The following ALMS1 variants were observed in gnomAD, a reference collection of about 807,000 sequenced individuals.
The protein encoded by ALMS1 is centrosome-associated protein ALMS1.
A neutral mutation model predicts 352.2 loss-of-function variants in ALMS1; 271 were observed. The ratio of observed to expected loss-of-function variants is 0.77; its 90% CI spans 0.70 to 0.85. ALMS1 has a LOEUF of 0.85. Among genes scored for constraint, ALMS1 ranks in the 40% least tolerant of loss-of-function variants. The pLI, the probability that ALMS1 is intolerant of heterozygous loss-of-function variation, is 0.00. For synonymous variants in ALMS1, 1,865 were observed against 1,761.2 expected (o/e 1.06, Z -1.48); for missense variants, 5,445 against 4,870.7 (o/e 1.12, Z -3.51).
chr2:73,440,082 G>A (rs1173104370), intron 7 of ALMS1, among the ~76,000 whole-genome samples: 2 of 152,046 alleles, frequency 1.3e-5, no homozygotes, highest in Non-Finnish European at 2.9e-5. Flanking sequence ...CCGGGTTCAC[G>A]CCATTCTCCT....
chr2:73,476,466 A>G (rs1672584751), intron 9 of ALMS1, among the ~76,000 whole-genome samples: 2 of 152,080 alleles, frequency 1.3e-5, no homozygotes, highest in Admixed American at 6.6e-5. Flanking sequence ...GTTTTTGAGG[A>G]AGCTCCGTAC....
intron 10 of ALMS1, among the ~76,000 whole-genome samples, chr2:73,509,586 C>T: frequency 6.6e-6 from 1 of 152,058 alleles, no homozygotes; most frequent in East Asian, 1.9e-4. Flanking sequence ...GAATGTTGGC[C>T]CCCACTCTCT....
intron 2 of ALMS1, among the ~76,000 whole-genome samples, chr2:73,417,431 C>A (rs1671200269): frequency 1.3e-5 from 2 of 152,090 alleles, no homozygotes; most frequent in South Asian, 4.1e-4. Context: ...CGTTATGAAA[C>A]AAGAAAATGA....
intron 20 of ALMS1, 90 bp downstream of exon 20, chr2:73,602,458 G>T (rs1675720537): frequency 1.5e-5 from 23 of 1,505,306 alleles, no homozygotes; most frequent in Non-Finnish European, 2.1e-5. Context: ...GGCCAGCCCA[G>T]GCCAGTTACC....
Position 73,454,033 on chromosome 2 carries a change from T to C in ALMS1, c.7506T>C (p.Asn2502=), listed in dbSNP as rs1168783297. Residue 2502 remains asparagine, a synonymous_variant, in exon 8 of 23, where the codon AAT becomes AAC. Coordinates refer to ENST00000613296, the MANE Select transcript of ALMS1 (RefSeq NM_001378454.1). Reference sequence around the variant, plus strand: ...ATCATGCTAAAGAAATACTCAGAAATGCAGAGGAAGAGGAAAGCCGGGTAC... The same window carrying C: ...ATCATGCTAAAGAAATACTCAGAAACGCAGAGGAAGAGGAAAGCCGGGTAC... ...SLNHAKEILR[N]AEEEESRVRA... The C allele has an allele frequency of 6.2e-7, 1 of 1,612,706 alleles. No homozygotes were observed. Among genetic ancestry groups the C allele is most frequent in the Non-Finnish European group, 8.5e-7 (1 of 1,179,500 alleles).
intron 16 of ALMS1, among the ~76,000 whole-genome samples, chr2:73,583,747 C>A (rs552756653): frequency 6.6e-5 from 10 of 152,116 alleles, no homozygotes; most frequent in African/African-American, 2.2e-4. Context: ...ATCCTTTTCC[C>A]ACTGAGTGGT....
chr2:73,595,391 T>C (rs1318141569), intron 16 of ALMS1, among the ~76,000 whole-genome samples: 2 of 152,244 alleles, frequency 1.3e-5, no homozygotes, highest in South Asian at 2.1e-4. Context: ...TTTATGTATA[T>C]AGCATCAGAT....
intron 9 of ALMS1, among the ~76,000 whole-genome samples, chr2:73,482,321 A>C (rs1382147675): frequency 6.6e-6 from 1 of 152,212 alleles, no homozygotes; most frequent in African/African-American, 2.4e-5. Context: ...CTTTTTCTGC[A>C]TCTATTGAGA....
At chr2:73,603,369 C>G in intron 21 of ALMS1, 65 bp downstream of exon 21, 1 of 1,423,868 alleles carries the variant, frequency 7.0e-7, no homozygotes, top group South Asian at 1.2e-5. Flanking sequence ...GTCGGGAGCT[C>G]TGGCTTGCAC....
At position 73,451,226 on chromosome 2, in the gene ALMS1, A is replaced by G. The variant is rs766996126; in HGVS notation, c.4699A>G (p.Thr1567Ala). 2 of 1,609,808 alleles carry G rather than the reference A, an allele frequency of 1.2e-6. No individual in the cohort carries two copies. Among genetic ancestry groups the G allele is most frequent in the South Asian group, 2.2e-5 (2 of 90,896 alleles). Residue 1567 changes from threonine to alanine, a missense_variant, in exon 8 of 23, where the codon ACC becomes GCC. Transcript: ENST00000613296. Reference sequence around the variant, plus strand: ...CCAGACAACTGGCATACCAACCATAACCTCTACTTCCTACTCATTTGGAGA... The same window carrying G: ...CCAGACAACTGGCATACCAACCATAGCCTCTACTTCCTACTCATTTGGAGA... The part of the protein sequence containing the change: ...ADQTTGIPTI[T>A]STSYSFGEKP...
chr2:73,408,358 G>C (rs1208752157), intron 1 of ALMS1, among the ~76,000 whole-genome samples: 1 of 152,174 alleles, frequency 6.6e-6, no homozygotes, highest in Non-Finnish European at 1.5e-5. Flanking sequence ...TTTAAAAATA[G>C]ACAACTTGCT....
intron 9 of ALMS1, among the ~76,000 whole-genome samples, chr2:73,465,575 T>C: frequency 6.6e-6 from 1 of 152,170 alleles, no homozygotes; most frequent in East Asian, 1.9e-4. Context: ...GACATAGGCA[T>C]GGGCAAAGAC....
At position 73,573,300 on chromosome 2, in the gene ALMS1, T is replaced by G. The variant is rs866378445; in HGVS notation, c.11423T>G (p.Leu3808Ter). The G allele has an allele frequency of 2.5e-6, 4 of 1,613,982 alleles. No homozygotes were observed. Among genetic ancestry groups the G allele is most frequent in the Non-Finnish European group, 3.4e-6 (4 of 1,180,000 alleles). The change falls in exon 16 of 23, where the codon TTA becomes TGA. Residue 3808 changes from leucine to a stop codon, truncating the protein, a stop_gained. Transcript: ENST00000613296. LOFTEE classifies it high-confidence loss of function. ...RVCLSPRRIK[L>*]YSSITNQQRR... is the part of the protein sequence containing the mutation. ...TGCTTGTCACCCAGACGAATTAAATTATATAGCAGCATCACCAACCAACAG... is the reference window on the plus strand; with the variant it reads ...TGCTTGTCACCCAGACGAATTAAATGATATAGCAGCATCACCAACCAACAG...
intron 9 of ALMS1, among the ~76,000 whole-genome samples, chr2:73,463,718 AAGAG>A (rs1254108333): frequency 4.4e-5 from 6 of 137,300 alleles, no homozygotes; most frequent in South Asian, 2.6e-4. Flanking sequence ...TAAAGAAAAA[AAGAG>A]AGAAGAATCA....
chr2:73,564,563 A>C (rs1054288550), intron 15 of ALMS1, among the ~76,000 whole-genome samples: 7 of 152,184 alleles, frequency 4.6e-5, no homozygotes, highest in Non-Finnish European at 8.8e-5. Flanking sequence ...CAATTTTAGA[A>C]TATTTTCTTC....
intron 10 of ALMS1, among the ~76,000 whole-genome samples, chr2:73,495,881 A>G (rs927379968): frequency 6.6e-6 from 1 of 152,194 alleles, no homozygotes; most frequent in African/African-American, 2.4e-5. Context: ...TAATATATAA[A>G]TAGTTTCAGA....
intron 1 of ALMS1, among the ~76,000 whole-genome samples, chr2:73,397,888 ATG>A (rs1156323845): frequency 6.6e-6 from 1 of 152,296 alleles, no homozygotes; most frequent in East Asian, 1.9e-4. Context: ...TGAATCAGAG[ATG>A]TGTCTTTTGC....
intron 6 of ALMS1, 27 bp downstream of exon 6, chr2:73,426,580 A>G (rs780720149): frequency 6.2e-7 from 1 of 1,603,950 alleles, no homozygotes; most frequent in African/African-American, 1.3e-5. Context: ...TGATAGTTGT[A>G]AGAAACGTGG....
intron 10 of ALMS1, among the ~76,000 whole-genome samples, chr2:73,503,489 A>T (rs2103924560): frequency 6.6e-6 from 1 of 152,262 alleles, no homozygotes; most frequent in African/African-American, 2.4e-5. Context: ...TTCTTAATCC[A>T]GTCTATCGTT....
Sources: gnomAD v4.1 joint callset for allele counts (sites outside exome capture counted in the v4.1 genomes callset) on GRCh38, gnomAD v4.1.1 for gene constraint, MANE v1.5 for transcripts, NCBI Gene and HGNC (gene_info 2026-07-23, HGNC 2026-07-21) for gene names.